CUBN: variants seen among roughly 807,000 people sequenced by gnomAD.
The protein encoded by CUBN is cubilin.
In CUBN, 282 loss-of-function variants were observed where a neutral mutation model predicts 405.3. That is an observed-to-expected ratio of 0.70 (90% CI 0.63 to 0.77). The LOEUF is 0.77. Ranked by LOEUF, CUBN falls within the 30% of genes least tolerant of loss-of-function variation. CUBN has a pLI of 0.00. For synonymous variants in CUBN, 1,684 were observed against 1,617.0 expected (o/e 1.04, Z -0.99); for missense variants, 4,514 against 4,475.2 (o/e 1.01, Z -0.25).
intron 31 of CUBN, among the ~76,000 whole-genome samples, chr10:16,964,172 A>G (rs79833998): frequency 0.035 from 5,379 of 152,298 alleles, 132 homozygotes; most frequent in Non-Finnish European, 0.055. Context: ...AATATTTCAT[A>G]GTAGAGTGTT....
chr10:17,081,329 G>C (rs76021360), intron 17 of CUBN, among the ~76,000 whole-genome samples: 10 of 152,126 alleles, frequency 6.6e-5, no homozygotes, highest in Admixed American at 3.3e-4. Context: ...AATGTCCTTA[G>C]GATCATTCTC....
At chr10:16,937,398 C>A (rs1842540500) in intron 39 of CUBN, among the ~76,000 whole-genome samples, 194 bp downstream of exon 39, 2 of 152,054 alleles carry the variant, frequency 1.3e-5, no homozygotes, top group African/African-American at 4.8e-5. Context: ...ATGGGACCTG[C>A]ATTTTTTAGA....
chr10:16,930,366 A>G (rs1309095222), intron 40 of CUBN, among the ~76,000 whole-genome samples: 4 of 152,230 alleles, frequency 2.6e-5, no homozygotes, highest in Admixed American at 2.0e-4. Context: ...TATATGAGGA[A>G]CTGAATCTTA....
At chr10:16,862,395 G>A (rs1311530015) in intron 59 of CUBN, among the ~76,000 whole-genome samples, 2 of 151,956 alleles carry the variant, frequency 1.3e-5, no homozygotes, top group Admixed American at 1.3e-4. Flanking sequence ...GTCTCATCTG[G>A]TAGCTCTGAG....
chr10:17,046,163 T>C, intron 23 of CUBN, 69 bp from the exon 24 acceptor site: 2 of 1,443,932 alleles, frequency 1.4e-6, no homozygotes, highest in Non-Finnish European at 1.9e-6. Flanking sequence ...TTTAACATAA[T>C]TTGAACTTTG....
chr10:16,963,334 C>T lies in CUBN; in HGVS notation c.4696-8786G>A, dbSNP rs987162474. On this transcript the variant is annotated intron_variant, in intron 31 of 66. Coordinates refer to ENST00000377833, the MANE Select transcript of CUBN (RefSeq NM_001081.4). ...CCAAGCAGCTGGGATTACAGGTACA[C>T]ACCACCACGCCCAGCTAATTTTTTG... Among the ~76,000 whole-genome samples, 17 of 151,338 alleles carry T rather than the reference C, an allele frequency of 1.1e-4. 5 individuals are homozygous for T. Among genetic ancestry groups the T allele is most frequent in the Admixed American group, 2.0e-4 (3 of 15,200 alleles).
chr10:16,878,169 T>A (rs1211862111), intron 56 of CUBN, among the ~76,000 whole-genome samples: 75 of 152,114 alleles, frequency 4.9e-4, no homozygotes, highest in Admixed American at 4.8e-3. Flanking sequence ...GCGCCTGTAG[T>A]CCCAGCTACT....
chr10:16,874,554 T>C (rs1218906199), intron 57 of CUBN, 51 bp from the exon 58 acceptor site: 1 of 1,609,516 alleles, frequency 6.2e-7, no homozygotes. Context: ...AGTCCCAGCA[T>C]GGAAAAATGA....
intron 31 of CUBN, among the ~76,000 whole-genome samples, chr10:16,955,374 C>CAAAA (rs59365817): frequency 5.8e-5 from 4 of 68,852 alleles, no homozygotes; most frequent in East Asian, 6.5e-4. Context: ...GATTCTGTCT[C>CAAAA]AAAAAAAAAA....
chr10:16,996,187 T>A (rs981482723), intron 28 of CUBN, among the ~76,000 whole-genome samples: 1 of 152,210 alleles, frequency 6.6e-6, no homozygotes, highest in Non-Finnish European at 1.5e-5. Flanking sequence ...AGCAAAAATC[T>A]TTTAATTGAC....
chr10:17,088,585 C>A (rs1464737175), intron 14 of CUBN, among the ~76,000 whole-genome samples: 2 of 152,234 alleles, frequency 1.3e-5, no homozygotes, highest in African/African-American at 4.8e-5. Flanking sequence ...TGAGCCATCA[C>A]ATGCTGACAC....
intron 31 of CUBN, among the ~76,000 whole-genome samples, chr10:16,968,211 A>G (rs1843455861): frequency 6.6e-6 from 1 of 152,208 alleles, no homozygotes; most frequent in Admixed American, 6.5e-5. Context: ...GTATTACAAA[A>G]ATACAACAAA....
chr10:17,043,922 G>C lies in CUBN; in HGVS notation c.3734C>G (p.Pro1245Arg), dbSNP rs766008172. ...LLTQLCGDEK[P>R]PLIRSSGDSM... ...GTCTCCACTAGAACGAATAAGAGGG[G>C]GTTTCTCATCCCCACAAAGCTGAGT... The change falls in exon 26 of 67, where the codon CCC becomes CGC. Residue 1245 changes from proline to arginine, a missense_variant. Transcript: ENST00000377833. 7 of 1,613,484 alleles carry C rather than the reference G, an allele frequency of 4.3e-6. No homozygotes were observed. In the East Asian group the frequency reaches 1.6e-4, roughly 36 times the overall value.
At chr10:16,907,420 T>G in intron 49 of CUBN, 88 bp downstream of exon 49, 1 of 1,337,738 alleles carries the variant, frequency 7.5e-7, no homozygotes, top group Admixed American at 1.7e-5. Context: ...AAAGGGAAAA[T>G]GGATGGCTCT....
At chr10:17,121,185 TG>T (rs1457894420) in intron 6 of CUBN, among the ~76,000 whole-genome samples, 1 of 152,184 alleles carries the variant, frequency 6.6e-6, no homozygotes, top group African/African-American at 2.4e-5. Context: ...GCATAATGAT[TG>T]AACTCATAGA....
chr10:16,851,657 CCTCTATCTTTCCCTCCCTCA>C (rs1395197460), intron 59 of CUBN, among the ~76,000 whole-genome samples: 4 of 144,012 alleles, frequency 2.8e-5, no homozygotes, highest in East Asian at 2.1e-4. Context: ...TCCTTCCCTC[CCTCTATCTTTCCCTCCCTCA>C]CTCTATCTTT....
intron 17 of CUBN, among the ~76,000 whole-genome samples, chr10:17,080,028 G>C (rs921715747): frequency 5.3e-5 from 8 of 152,160 alleles, no homozygotes; most frequent in African/African-American, 1.4e-4. Flanking sequence ...TCCTGCCTCA[G>C]CTTCTGCTCT....
At chr10:17,105,325 G>C (rs566675578) in intron 11 of CUBN, 132 bp downstream of exon 11, 1 of 747,626 alleles carries the variant, frequency 1.3e-6, no homozygotes, top group South Asian at 1.4e-5. Context: ...TTTCATCTGA[G>C]AGTTCTCGAC....
At chr10:16,976,440 T>C (rs896846072) in intron 31 of CUBN, among the ~76,000 whole-genome samples, 3 of 152,214 alleles carry the variant, frequency 2.0e-5, no homozygotes, top group Non-Finnish European at 4.4e-5. Context: ...ACAAGCAATC[T>C]GTTCCCCACC....
Sources: allele counts gnomAD v4.1 joint callset (sites outside exome capture counted in the v4.1 genomes callset), GRCh38; gene constraint gnomAD v4.1.1; transcripts MANE v1.5; gene names NCBI Gene and HGNC (gene_info 2026-07-23, HGNC 2026-07-21).